CLNK: variants seen among roughly 807,000 people sequenced by gnomAD.
CLNK encodes cytokine-dependent hematopoietic cell linker.
In CLNK, 74 loss-of-function variants were observed where a neutral mutation model predicts 68.6. The ratio of observed to expected loss-of-function variants is 1.08; its 90% CI spans 0.89 to 1.31. The LOEUF is 1.31. CLNK is among the 50% of genes most tolerant of loss of function. The probability of loss-of-function intolerance (pLI) is 0.00; values close to 1 mark genes in which losing one functional copy is unlikely to be tolerated. For synonymous variants in CLNK, 198 were observed against 172.2 expected, an observed-to-expected ratio of 1.15 and a Z score of -1.17; for missense variants, 553 against 515.3, an observed-to-expected ratio of 1.07 and a Z score of -0.71.
intron 2 of CLNK, among the ~76,000 whole-genome samples, chr4:10,642,983 A>C (rs917605246): frequency 6.6e-6 from 1 of 152,198 alleles, no homozygotes; most frequent in African/African-American, 2.4e-5. Flanking sequence ...ACCTAGAACA[A>C]AACAGGCTAT....
At chr4:10,541,374 A>T (rs932911154) in intron 10 of CLNK, among the ~76,000 whole-genome samples, 1 of 152,082 alleles carries the variant, frequency 6.6e-6, no homozygotes, top group Non-Finnish European at 1.5e-5. Flanking sequence ...AAAAAGATAC[A>T]GTTTTTGGTT....
At chr4:10,670,122 T>G (rs1297974744) in intron 1 of CLNK, among the ~76,000 whole-genome samples, 1 of 152,180 alleles carries the variant, frequency 6.6e-6, no homozygotes, top group African/African-American at 2.4e-5. Context: ...TGAAATAAAC[T>G]GAAACATATG....
chr4:10,538,667 C>A (rs188363637), intron 11 of CLNK, among the ~76,000 whole-genome samples: 137 of 152,282 alleles, frequency 9.0e-4, no homozygotes, highest in Non-Finnish European at 1.6e-3. Flanking sequence ...GATTAGGTTC[C>A]TTTGAAAGCT....
chr4:10,637,336 A>G (rs1286306229), intron 2 of CLNK, among the ~76,000 whole-genome samples: 2 of 152,064 alleles, frequency 1.3e-5, no homozygotes, highest in African/African-American at 2.4e-5. Flanking sequence ...GAACCTTTGT[A>G]TCACTGCTTG....
intron 8 of CLNK, among the ~76,000 whole-genome samples, chr4:10,550,461 C>G (rs1474790901): frequency 6.6e-6 from 1 of 152,136 alleles, no homozygotes; most frequent in East Asian, 1.9e-4. Flanking sequence ...CGCCACTGCA[C>G]TCCAGCCTGG....
At chr4:10,502,243 C>T (rs1181058386) in intron 17 of CLNK, among the ~76,000 whole-genome samples, 1 of 152,178 alleles carries the variant, frequency 6.6e-6, no homozygotes, top group African/African-American at 2.4e-5. Context: ...CCTCAGGAAA[C>T]TTATAATCAG....
chr4:10,718,039 G>GA, the CLNK span, among the ~76,000 whole-genome samples: 1 of 151,942 alleles, frequency 6.6e-6, no homozygotes, highest in Non-Finnish European at 1.5e-5. Context: ...AGAACAAATG[G>GA]AAATTTTAGA....
chr4:10,723,790 G>C, the CLNK span, among the ~76,000 whole-genome samples: 1 of 151,356 alleles, frequency 6.6e-6, no homozygotes, highest in African/African-American at 2.4e-5. Context: ...TAGATTGCAG[G>C]ATTTCTTGTG....
chr4:10,702,211 C>A, the CLNK span, among the ~76,000 whole-genome samples: 1 of 151,894 alleles, frequency 6.6e-6, no homozygotes, highest in Admixed American at 6.6e-5. Flanking sequence ...AGACCTGAAG[C>A]AAGGAAGGAA....
At chr4:10,555,929 C>A (rs1719658046) in intron 8 of CLNK, among the ~76,000 whole-genome samples, 1 of 152,098 alleles carries the variant, frequency 6.6e-6, no homozygotes. Context: ...AATGGGGAAC[C>A]ATCAATTATG....
At chr4:10,629,547 G>C (rs187888111) in intron 2 of CLNK, among the ~76,000 whole-genome samples, 57 of 152,280 alleles carry the variant, frequency 3.7e-4, no homozygotes, top group African/African-American at 1.3e-3. Context: ...CACCCACCAG[G>C]CATCTGCGAG....
intron 2 of CLNK, among the ~76,000 whole-genome samples, chr4:10,614,521 C>A (rs1722150073): frequency 6.6e-6 from 1 of 152,170 alleles, no homozygotes; most frequent in Non-Finnish European, 1.5e-5. Context: ...TGTTTTTCAG[C>A]CTGAGAATTC....
chr4:10,724,084 C>A, the CLNK span, among the ~76,000 whole-genome samples: 1 of 152,076 alleles, frequency 6.6e-6, no homozygotes, highest in African/African-American at 2.4e-5. Context: ...GGGGGATGCT[C>A]TCAGCATAAG....
At position 10,541,217 on chromosome 4, in the gene CLNK, A is replaced by C. The variant is rs530982064; in HGVS notation, c.492-613T>G. ...CGACAGAGCCAGACTGTCTCAAAAAAAAAACAAAAAAAAAAAAACCCAATA... is the reference window on the plus strand; with the variant it reads ...CGACAGAGCCAGACTGTCTCAAAAACAAAACAAAAAAAAAAAAACCCAATA... On this transcript the variant is annotated intron_variant, in intron 10 of 18. Transcript: ENST00000226951. 8.6e-3 allele frequency among the ~76,000 whole-genome samples: 1,154 copies of C among 133,856 alleles called. 10 individuals are homozygous for C. The highest frequency in any genetic ancestry group is 0.039 in the Middle Eastern group (11 of 282). The allele number at this position is 133,856 out of a possible 152,430, so 87.8% of individuals were successfully genotyped here. A position where few individuals can be genotyped will look rare whatever the true frequency, so the allele number is the denominator to read the frequency against.
rs193202900 is a variant in CLNK at position 10,579,783 on chromosome 4, C to G, written c.112+5144G>C. 2.1e-3 allele frequency among the ~76,000 whole-genome samples: 322 copies of G among 152,214 alleles called. 5 individuals are homozygous for G. Among genetic ancestry groups the G allele is most frequent in the Non-Finnish European group, 1.4e-3 (95 of 68,006 alleles). ...TCCCCACATGTGCCTGGCAACATGG[C>G]CACCCCCACATATCCCCACCTGTGT... On this transcript the variant is annotated intron_variant, in intron 4 of 18. Transcript: ENST00000226951.
At chr4:10,539,113 C>T (rs1718914362) in intron 11 of CLNK, among the ~76,000 whole-genome samples, 1 of 152,166 alleles carries the variant, frequency 6.6e-6, no homozygotes. Flanking sequence ...TGAGATATTT[C>T]TTTATAGCAA....
intron 18 of CLNK, among the ~76,000 whole-genome samples, chr4:10,490,936 T>TA (rs1716544020): frequency 2.9e-5 from 2 of 69,648 alleles, no homozygotes; most frequent in Non-Finnish European, 8.0e-5. Flanking sequence ...AGCTAATTTT[T>TA]GTATTTTTAG....
At position 10,649,130 on chromosome 4, in the gene CLNK, G is replaced by C. The variant is rs539955344; in HGVS notation, c.11+18729C>G. 4.6e-5 allele frequency among the ~76,000 whole-genome samples: 7 copies of C among 152,156 alleles called. 1 individual carries two copies. Among genetic ancestry groups the C allele is most frequent in the Admixed American group, 4.6e-4 (7 of 15,278 alleles). On this transcript the variant is annotated intron_variant, in intron 2 of 18. Coordinates refer to ENST00000226951, the MANE Select transcript of CLNK (RefSeq NM_052964.4). ...TACTTTTCTTTACGTAAAAATAAGA[G>C]CACCAATGATTGAATGAAAAACGTA...
At chr4:10,702,511 G>T in the CLNK span, among the ~76,000 whole-genome samples, 1 of 152,166 alleles carries the variant, frequency 6.6e-6, no homozygotes, top group African/African-American at 2.4e-5. Context: ...GATGGATAGA[G>T]AAAGAAGTGC....
Sources: allele counts gnomAD v4.1 joint callset (sites outside exome capture counted in the v4.1 genomes callset), GRCh38; gene constraint gnomAD v4.1.1; transcripts MANE v1.5; gene names NCBI Gene and HGNC (gene_info 2026-07-23, HGNC 2026-07-21).